ALDH9A1: variants seen among roughly 807,000 people sequenced by gnomAD.
ALDH9A1 encodes the protein 4-trimethylaminobutyraldehyde dehydrogenase.
A neutral mutation model predicts 56.6 loss-of-function variants in ALDH9A1; 42 were observed. The observed-to-expected ratio is 0.74, with a 90% CI of 0.58 to 0.96. The LOEUF (loss-of-function observed/expected upper bound fraction) is 0.96, where lower values mean the gene tolerates loss of function less well. Among genes scored for constraint, ALDH9A1 ranks in the 40% least tolerant of loss-of-function variants. The pLI is 0.00. For synonymous variants in ALDH9A1, 242 were observed against 236.0 expected (o/e 1.03, Z -0.23); for missense variants, 661 against 651.5 (o/e 1.01, Z -0.16).
intron 6 of ALDH9A1, 147 bp downstream of exon 6, chr1:165,679,295 G>T: frequency 1.2e-6 from 1 of 825,236 alleles, no homozygotes; most frequent in Non-Finnish European, 1.8e-6. Context: ...TGAGAAATCT[G>T]GTTCAAAGGT....
chr1:165,669,315 T>C lies in ALDH9A1; in HGVS notation c.1066A>G (p.Asn356Asp), dbSNP rs1399915208. Residue 356 changes from asparagine to aspartate, a missense_variant, in exon 7 of 11, where the codon AAC (asparagine) becomes GAC (aspartate). Physicochemically the swap from Asn to Asp is conservative, Grantham distance 23 (BLOSUM62 1). Coordinates refer to ENST00000354775, the MANE Select transcript of ALDH9A1 (RefSeq NM_000696.4). Reference sequence around the variant, plus strand: ...AGGACTCGCTCCAGGTGTGGTCGGTTGATGAGTGGACCCATCCTTGTATCT... The same window carrying C: ...AGGACTCGCTCCAGGTGTGGTCGGTCGATGAGTGGACCCATCCTTGTATCT... ...LEDTRMGPLI[N>D]RPHLERVLGF... 2 of 1,613,818 alleles carry C rather than the reference T, an allele frequency of 1.2e-6. No individual in the cohort carries two copies. Among genetic ancestry groups the C allele is most frequent in the African/African-American group, 2.7e-5 (2 of 74,926 alleles).
chr1:165,682,513 A>G (rs764995352), intron 3 of ALDH9A1, among the ~76,000 whole-genome samples: 12 of 152,200 alleles, frequency 7.9e-5, no homozygotes, highest in Non-Finnish European at 1.6e-4. Flanking sequence ...CTGAGCCTCT[A>G]TTAGATAGCT....
In ALDH9A1 at chr1:165,683,079, C is replaced by T. The variant is rs1327959833; in HGVS notation, c.359G>A (p.Cys120Tyr). The change falls in exon 3 of 11, where the codon TGC becomes TAC. Residue 120 changes from cysteine (C) to tyrosine (Y), a missense_variant. Coordinates refer to ENST00000354775, the MANE Select transcript of ALDH9A1 (RefSeq NM_000696.4). Reference sequence around the variant, plus strand: ...AAAGATGGACTTGCCATTGTTGATGCACTCCATAGTAGCAATTTCATCCTC... The same window carrying T: ...AAAGATGGACTTGCCATTGTTGATGTACTCCATAGTAGCAATTTCATCCTC... ...EREDEIATMECINNGKSIFEA... is the reference protein window; with the variant it reads ...EREDEIATMEYINNGKSIFEA... The T allele has an allele frequency of 2.5e-6, 4 of 1,614,064 alleles. No homozygotes were observed. The highest frequency in any genetic ancestry group is 8.5e-7 in the Non-Finnish European group (1 of 1,179,952).
At chr1:165,677,209 C>CA (rs1649391759) in intron 6 of ALDH9A1, among the ~76,000 whole-genome samples, 1 of 151,882 alleles carries the variant, frequency 6.6e-6, no homozygotes, top group South Asian at 2.1e-4. Flanking sequence ...CCCGTCTCTA[C>CA]AAAAAATACA....
chr1:165,672,972 AACACACACACACACACACACACAC>A (rs67363579), intron 6 of ALDH9A1, among the ~76,000 whole-genome samples: 1 of 124,226 alleles, frequency 8.0e-6, no homozygotes, highest in Admixed American at 8.2e-5. Context: ...AAAAAATACA[AACACACACACACACACACACACAC>A]ACACACACAC....
At chr1:165,689,462 C>T (rs550786680) in intron 2 of ALDH9A1, among the ~76,000 whole-genome samples, 1 of 152,338 alleles carries the variant, frequency 6.6e-6, no homozygotes, top group South Asian at 2.1e-4. Flanking sequence ...TAAGTAATCT[C>T]AATCTCTCTC....
chr1:165,670,584 C>G (rs1649145309), intron 6 of ALDH9A1, among the ~76,000 whole-genome samples: 2 of 151,946 alleles, frequency 1.3e-5, no homozygotes, highest in Admixed American at 1.3e-4. Context: ...TGGCAAATAC[C>G]TTAAACTAAG....
chr1:165,668,127 T>C (rs1410809657), intron 8 of ALDH9A1, among the ~76,000 whole-genome samples: 3 of 152,198 alleles, frequency 2.0e-5, no homozygotes, highest in African/African-American at 7.2e-5. Context: ...ATTATTAAAT[T>C]ATGTAATTTC....
At chr1:165,698,187 T>G in intron 1 of ALDH9A1, 191 bp downstream of exon 1, 1 of 1,353,550 alleles carries the variant, frequency 7.4e-7, no homozygotes, top group Non-Finnish European at 9.4e-7. Context: ...TTTTCCTCCC[T>G]ACCCATCCCT....
In ALDH9A1 at chr1:165,698,484, C is replaced by T. The variant is rs1304221120; in HGVS notation, c.75G>A (p.Met25Ile). Residue 25 changes from methionine to isoleucine, a missense_variant, in exon 1 of 11, where the codon ATG becomes ATA. By Grantham distance (10) the Met-to-Ile change is conservative. Coordinates refer to ENST00000354775, the MANE Select transcript of ALDH9A1 (RefSeq NM_000696.4). ...GCGACACGACGAAGGTGCCAGTGCT[C>T]ATGGCGGCGACAGGAGAGGGCCGAA... ...RSLRPSPVAAMSTGTFVVSQP... is the reference protein window; with the variant it reads ...RSLRPSPVAAISTGTFVVSQP... 1 of 1,608,738 alleles carries T rather than the reference C, an allele frequency of 6.2e-7. No homozygotes were observed. The highest frequency in any genetic ancestry group is 2.2e-5 in the East Asian group (1 of 44,538).
chr1:165,677,589 T>A (rs2101744562), intron 6 of ALDH9A1, among the ~76,000 whole-genome samples: 1 of 152,246 alleles, frequency 6.6e-6, no homozygotes, highest in African/African-American at 2.4e-5. Context: ...CTGGGTACAA[T>A]GGCTCATGCC....
At chr1:165,691,769 A>G (rs1191872957) in intron 2 of ALDH9A1, among the ~76,000 whole-genome samples, 1 of 151,948 alleles carries the variant, frequency 6.6e-6, no homozygotes, top group East Asian at 1.9e-4. Context: ...CATAACAAAA[A>G]AAGAGAATTT....
At chr1:165,671,512 G>A in intron 6 of ALDH9A1, 1 of 461,768 alleles carries the variant, frequency 2.2e-6, no homozygotes, top group Non-Finnish European at 4.3e-6. Flanking sequence ...AAGTCTAAGG[G>A]ACCGCTCCTA....
At position 165,689,552 on chromosome 1, in the gene ALDH9A1, T is replaced by C. The variant is rs538750655; in HGVS notation, c.327+5700A>G. On this transcript the variant is annotated intron_variant, in intron 2 of 10. Coordinates refer to ENST00000354775, the MANE Select transcript of ALDH9A1 (RefSeq NM_000696.4). Reference sequence around the variant, plus strand: ...GAATCTCAGAAGTTTAGGGTTCTTCTCCTTTGGTGCAACTTCCTGCATGCA... The same window carrying C: ...GAATCTCAGAAGTTTAGGGTTCTTCCCCTTTGGTGCAACTTCCTGCATGCA... Among the ~76,000 whole-genome samples the C allele has an allele frequency of 3.3e-4, 50 of 152,318 alleles. No homozygotes were observed. The Middle Eastern group carries it at 0.01, about 31-fold the overall frequency.
chr1:165,696,599 T>G (rs1320634995), intron 1 of ALDH9A1, among the ~76,000 whole-genome samples: 1 of 152,210 alleles, frequency 6.6e-6, no homozygotes, highest in Non-Finnish European at 1.5e-5. Context: ...CCTTTTCTTA[T>G]TCCACCTTTA....
chr1:165,688,463 C>T (rs1250828862), intron 2 of ALDH9A1, among the ~76,000 whole-genome samples: 2 of 152,072 alleles, frequency 1.3e-5, no homozygotes, highest in Admixed American at 6.6e-5. Flanking sequence ...AATATTTTAC[C>T]TTATTCTTAA....
Position 165,667,289 on chromosome 1 carries a change from C to T in ALDH9A1, c.1349+20G>A. 6.2e-7 allele frequency: 1 copy of T among 1,613,706 alleles called. No individual in the cohort carries two copies. Among genetic ancestry groups the T allele is most frequent in the South Asian group, 1.1e-5 (1 of 91,064 alleles). ...AGCCCCGCTCCTTCAAAACTGCTCT[C>T]AGTGTCCCACTCCACATACCTGGTA... On this transcript the variant is annotated intron_variant, in intron 9 of 10. Coordinates refer to ENST00000354775, the MANE Select transcript of ALDH9A1 (RefSeq NM_000696.4).
chr1:165,679,564 T>A lies in ALDH9A1; in HGVS notation c.808A>T (p.Lys270Ter). The A allele has an allele frequency of 6.2e-7, 1 of 1,614,172 alleles. No individual in the cohort carries two copies. Among genetic ancestry groups the A allele is most frequent in the South Asian group, 1.1e-5 (1 of 91,082 alleles). ...TCCAAGGTAACAGGTTTGATTCCTT[T>A]AGCTGACATCTCCATGATCTTGCAG... ...TGMKIMEMSAKGIKPVTLELG... is the reference protein window; with the variant it reads ...TGMKIMEMSA Residue 270 changes from lysine (K) to a stop codon, truncating the protein, a stop_gained, in exon 6 of 11, where the codon AAA (lysine) becomes TAA (stop). Coordinates refer to ENST00000354775, the MANE Select transcript of ALDH9A1 (RefSeq NM_000696.4). LOFTEE classifies it high-confidence loss of function.
intron 9 of ALDH9A1, among the ~76,000 whole-genome samples, chr1:165,666,276 T>A (rs1022221455): frequency 6.6e-6 from 1 of 152,166 alleles, no homozygotes; most frequent in Admixed American, 6.6e-5. Context: ...CAACAGTTAA[T>A]GGGCACAAGG....
Sources: allele counts gnomAD v4.1 joint callset (sites outside exome capture counted in the v4.1 genomes callset), GRCh38; gene constraint gnomAD v4.1.1; transcripts MANE v1.5; gene names NCBI Gene and HGNC (gene_info 2026-07-23, HGNC 2026-07-21).